DCLK2: variants seen among roughly 807,000 people sequenced by gnomAD.
DCLK2 encodes the protein serine/threonine-protein kinase DCLK2.
Under a neutral mutation model 78.4 loss-of-function variants are expected in DCLK2, and 31 were observed. That is an observed-to-expected ratio of 0.40 (90% CI 0.30 to 0.53). The LOEUF (loss-of-function observed/expected upper bound fraction) is 0.53. DCLK2 is among the 20% of genes least tolerant of loss of function. The probability of loss-of-function intolerance (pLI) is 0.61; values close to 1 mark genes in which losing one functional copy is unlikely to be tolerated. For synonymous variants in DCLK2, 407 were observed against 374.9 expected (o/e 1.09, Z -0.99); for missense variants, 872 against 973.7 (o/e 0.90, Z 1.39).
At chr4:150,105,377 CAGAATT>C (rs1731183004) in intron 2 of DCLK2, among the ~76,000 whole-genome samples, 1 of 151,224 alleles carries the variant, frequency 6.6e-6, no homozygotes, top group Admixed American at 6.6e-5. Context: ...TTTGAAAAGA[CAGAATT>C]AGTGAACATT....
At chr4:150,133,203 C>G (rs937653573) in intron 2 of DCLK2, among the ~76,000 whole-genome samples, 1 of 152,088 alleles carries the variant, frequency 6.6e-6, no homozygotes, top group African/African-American at 2.4e-5. Flanking sequence ...AGAAATGTGC[C>G]ATGACCATGA....
chr4:150,170,985 G>A (rs1450718423), intron 2 of DCLK2, among the ~76,000 whole-genome samples: 1 of 152,184 alleles, frequency 6.6e-6, no homozygotes, highest in Non-Finnish European at 1.5e-5. Flanking sequence ...CGCTTCTGCA[G>A]TGGCCAGATT....
intron 1 of DCLK2, among the ~76,000 whole-genome samples, chr4:150,087,747 G>A (rs1243346156): frequency 6.6e-6 from 1 of 152,202 alleles, no homozygotes; most frequent in East Asian, 1.9e-4. Flanking sequence ...TGGGTGTGGG[G>A]CAGGACCCTC....
intron 2 of DCLK2, among the ~76,000 whole-genome samples, chr4:150,149,040 A>C (rs1307568464): frequency 2.6e-5 from 1 of 38,712 alleles, no homozygotes; most frequent in Non-Finnish European, 1.3e-4. Context: ...ACTGTCTCAA[A>C]AAAAAAAAAA....
chr4:150,112,527 T>G, intron 2 of DCLK2, among the ~76,000 whole-genome samples: 1 of 152,288 alleles, frequency 6.6e-6, no homozygotes, highest in African/African-American at 2.4e-5. Flanking sequence ...CCTTTCAAGT[T>G]TTCTCCATTC....
chr4:150,135,239 G>A (rs571517041), intron 2 of DCLK2, among the ~76,000 whole-genome samples: 4 of 151,540 alleles, frequency 2.6e-5, no homozygotes, highest in Non-Finnish European at 4.4e-5. Context: ...CTTGCTTCTT[G>A]GAGATTCACA....
intron 5 of DCLK2, among the ~76,000 whole-genome samples, chr4:150,208,572 A>G (rs1338161688): frequency 1.3e-5 from 2 of 152,006 alleles, no homozygotes; most frequent in African/African-American, 4.8e-5. Flanking sequence ...TCCACAGGAA[A>G]AAGGGTTGAG....
At chr4:150,215,867 A>AT (rs1361338965) in intron 5 of DCLK2, among the ~76,000 whole-genome samples, 8 of 152,264 alleles carry the variant, frequency 5.3e-5, no homozygotes, top group African/African-American at 1.7e-4. Context: ...GACTGCAGTC[A>AT]GATTAGAGTC....
At chr4:150,159,513 A>G (rs921033652) in intron 2 of DCLK2, among the ~76,000 whole-genome samples, 3 of 152,246 alleles carry the variant, frequency 2.0e-5, no homozygotes, top group Non-Finnish European at 4.4e-5. Context: ...ACGTGCTTAC[A>G]GCACACGTGC....
At chr4:150,137,978 C>A (rs1003010123) in intron 2 of DCLK2, among the ~76,000 whole-genome samples, 8 of 152,148 alleles carry the variant, frequency 5.3e-5, no homozygotes. Flanking sequence ...GAAGCACTGG[C>A]ACATTGGATT....
chr4:150,087,028 A>T (rs1186580967), intron 1 of DCLK2, among the ~76,000 whole-genome samples: 1 of 152,218 alleles, frequency 6.6e-6, no homozygotes, highest in African/African-American at 2.4e-5. Context: ...CAGAAATAAA[A>T]TCAAGAGCTT....
intron 2 of DCLK2, among the ~76,000 whole-genome samples, chr4:150,183,329 T>C (rs957761347): frequency 6.6e-6 from 1 of 152,228 alleles, no homozygotes; most frequent in East Asian, 1.9e-4. Context: ...AATTGCAAAT[T>C]GCAGTGCTTT....
At chr4:150,176,618 G>C (rs1321242759) in intron 2 of DCLK2, among the ~76,000 whole-genome samples, 1 of 152,222 alleles carries the variant, frequency 6.6e-6, no homozygotes, top group Admixed American at 6.5e-5. Context: ...CAGGTGCCAA[G>C]ATGGATTGGA....
At chr4:150,079,556 G>A (rs1307600459) in intron 1 of DCLK2, 108 bp downstream of exon 1, 3 of 1,127,676 alleles carry the variant, frequency 2.7e-6, no homozygotes, top group African/African-American at 3.2e-5. Context: ...AGCCGCACGG[G>A]AATTGATGCT....
intron 1 of DCLK2, among the ~76,000 whole-genome samples, chr4:150,094,952 G>C (rs1465811638): frequency 6.6e-6 from 1 of 152,168 alleles, no homozygotes; most frequent in African/African-American, 2.4e-5. Context: ...ACTGGGGTGA[G>C]GCTTGGGTGT....
intron 2 of DCLK2, among the ~76,000 whole-genome samples, chr4:150,112,376 T>C (rs1303593209): frequency 6.6e-6 from 1 of 152,222 alleles, no homozygotes; most frequent in Admixed American, 6.5e-5. Context: ...TCTAGGTATA[T>C]GATAATATCA....
At chr4:150,179,929 G>A (rs537335840) in intron 2 of DCLK2, among the ~76,000 whole-genome samples, 18 of 130,948 alleles carry the variant, frequency 1.4e-4, no homozygotes, top group Middle Eastern at 3.8e-3. Flanking sequence ...CCGACCTTAT[G>A]ATATTACTTA....
At chr4:150,198,941 G>A (rs1261883738) in intron 4 of DCLK2, 15 of 889,676 alleles carry the variant, frequency 1.7e-5, no homozygotes, top group African/African-American at 1.6e-4. Context: ...AGGGCAGGTC[G>A]TTTTACCCTT....
chr4:150,169,656 CA>C (rs60421412), intron 2 of DCLK2, among the ~76,000 whole-genome samples: 1,459 of 98,072 alleles, frequency 0.015, 44 homozygotes, highest in Admixed American at 0.099. Context: ...AACTCCGTCT[CA>C]AAAAAAAAAA....
Sources: allele counts gnomAD v4.1 joint callset (sites outside exome capture counted in the v4.1 genomes callset), GRCh38; gene constraint gnomAD v4.1.1; transcripts MANE v1.5; gene names NCBI Gene and HGNC (gene_info 2026-07-23, HGNC 2026-07-21).